Variants in ARHGEF16 observed in about 807,000 individuals in gnomAD.
ARHGEF16 encodes Rho guanine nucleotide exchange factor 16.
In ARHGEF16, 59 loss-of-function variants were observed where a neutral mutation model predicts 74.1. The ratio of observed to expected loss-of-function variants is 0.80; its 90% CI spans 0.65 to 0.99. ARHGEF16 has a LOEUF of 0.99. ARHGEF16 is among the 50% of genes least tolerant of loss of function. ARHGEF16 has a pLI of 0.00. For missense variants in ARHGEF16, 948 were observed against 986.6 expected (o/e 0.96, Z 0.52); for synonymous variants, 415 against 412.6 (o/e 1.01, Z -0.07).
rs769895600 is a variant in ARHGEF16, at chr1:3,467,359, G to A, written c.804+22G>A. 5.8e-6 allele frequency: 9 copies of A among 1,540,256 alleles called. 1 individual carries two copies. In the South Asian group the frequency reaches 1.1e-4, roughly 18 times the overall value. Reference sequence around the variant, plus strand: ...AGAGGTAGCGCCGGAGGGTGGGTGAGGCTGCCCCACAGAGGCAGGGAGAAG... The same window carrying A: ...AGAGGTAGCGCCGGAGGGTGGGTGAAGCTGCCCCACAGAGGCAGGGAGAAG... On this transcript the variant is annotated intron_variant, in intron 4 of 14. Transcript: ENST00000378378.
At chr1:3,462,931 C>T (rs1394470207) in intron 1 of ARHGEF16, 135 bp from the exon 2 acceptor site, 5 of 556,712 alleles carry the variant, frequency 9.0e-6, no homozygotes, top group Non-Finnish European at 1.5e-5. Context: ...CTGGCTGCGT[C>T]GCTGTCCTTG....
intron 10 of ARHGEF16, 54 bp from the exon 11 acceptor site, chr1:3,477,821 C>G: frequency 1.3e-6 from 2 of 1,583,562 alleles, no homozygotes; most frequent in Non-Finnish European, 1.7e-6. Flanking sequence ...CACCCCGGCT[C>G]TGTCCCCCCC....
In ARHGEF16 at chr1:3,463,493, G is replaced by T. The variant is rs3806164; in HGVS notation, c.409G>T (p.Val137Leu). Residue 137 changes from valine (V) to leucine (L), a missense_variant, in exon 2 of 15, where the codon GTG becomes TTG. Transcript: ENST00000378378. ...APSFSLDDMD[V>L]DKDPGGMLRR... ...CAGCTTCTCCCTGGATGACATGGAC[G>T]TGGACAAGGACCCCGGGGGCATGCT... is the stretch of plus-strand genomic sequence containing the variant. 2 of 1,513,022 alleles carry T rather than the reference G, an allele frequency of 1.3e-6. No individual in the cohort carries two copies. The highest frequency in any genetic ancestry group is 1.8e-6 in the Non-Finnish European group (2 of 1,128,462). The allele number at this position is 1,513,022 out of a possible 1,614,324, so 93.7% of individuals were successfully genotyped here.
At position 3,474,785 on chromosome 1, in the gene ARHGEF16, A is replaced by T; in HGVS notation, c.1380+3A>T. 6.2e-7 allele frequency: 1 copy of T among 1,612,720 alleles called. No homozygotes were observed. The highest frequency in any genetic ancestry group is 8.5e-7 in the Non-Finnish European group (1 of 1,179,842). On this transcript the variant is annotated splice_donor_region_variant and intron_variant, in intron 9 of 14. Coordinates refer to ENST00000378378, the MANE Select transcript of ARHGEF16 (RefSeq NM_014448.4). ...GTGCACTGAAGGCCATCAGCAAGGT[A>T]AGATGGGGCCTGGCCCCAGCCCTAC...
chr1:3,465,485 C>T (rs575339941), intron 2 of ARHGEF16, among the ~76,000 whole-genome samples: 2 of 152,200 alleles, frequency 1.3e-5, no homozygotes, highest in South Asian at 2.1e-4. Flanking sequence ...GTGCGGGGCA[C>T]GGGGCTGAGG....
intron 3 of ARHGEF16, among the ~76,000 whole-genome samples, chr1:3,466,405 A>G (rs1639546452): frequency 6.6e-6 from 1 of 152,078 alleles, no homozygotes; most frequent in Non-Finnish European, 1.5e-5. Flanking sequence ...CTTGGACTCT[A>G]TTCTGTGTGT....
chr1:3,478,007 G>C lies in ARHGEF16; in HGVS notation c.1606G>C (p.Val536Leu). The stretch of plus-strand genomic sequence containing the variant: ...CCTTTTCCTGTTCAACGATGTCCTG[G>C]TTGTGACCAAGAAGAAGAGGTGGCC... The part of the protein sequence containing the change: ...CYLFLFNDVL[V>L]VTKKKSEESY... The change falls in exon 11 of 15, where the codon GTT becomes CTT. Residue 536 changes from valine (V) to leucine (L), a missense_variant. By Grantham distance (32) the Val-to-Leu change is conservative. Coordinates refer to ENST00000378378, the MANE Select transcript of ARHGEF16 (RefSeq NM_014448.4). 6.2e-7 allele frequency: 1 copy of C among 1,612,718 alleles called. No homozygotes were observed. The highest frequency in any genetic ancestry group is 1.1e-5 in the South Asian group (1 of 91,082).
intron 10 of ARHGEF16, among the ~76,000 whole-genome samples, chr1:3,477,406 A>G (rs1335504614): frequency 3.0e-5 from 1 of 33,686 alleles, no homozygotes; most frequent in Non-Finnish European, 5.9e-5. Flanking sequence ...ACCAGGCAGC[A>G]GGGAGGATGT....
At chr1:3,460,611 G>A (rs1639370947) in intron 1 of ARHGEF16, among the ~76,000 whole-genome samples, 2 of 152,196 alleles carry the variant, frequency 1.3e-5, no homozygotes, top group Admixed American at 1.3e-4. Flanking sequence ...TGCTCTGCTT[G>A]GCGTGTAGAC....
intron 4 of ARHGEF16, chr1:3,468,646 G>T: frequency 5.4e-6 from 3 of 560,346 alleles, no homozygotes; most frequent in African/African-American, 1.9e-5. Flanking sequence ...GGCTGCTTTG[G>T]GGCTCTGGCG....
intron 3 of ARHGEF16, 68 bp downstream of exon 3, chr1:3,466,261 G>C: frequency 4.0e-6 from 6 of 1,485,632 alleles, no homozygotes; most frequent in Non-Finnish European, 4.5e-6. Flanking sequence ...GGGGCACCCT[G>C]GGGTTCGGGT....
At position 3,464,663 on chromosome 1, in the gene ARHGEF16, A is replaced by G. The variant is rs189381519; in HGVS notation, c.588+991A>G. On this transcript the variant is annotated intron_variant, in intron 2 of 14. Transcript: ENST00000378378. ...CCCAAGCATATGGGCTGCCTCAGTGAAGGACGAGGGCGGGGGCAGGTGCTG... is the reference window on the plus strand; with the variant it reads ...CCCAAGCATATGGGCTGCCTCAGTGGAGGACGAGGGCGGGGGCAGGTGCTG... Among the ~76,000 whole-genome samples the G allele has an allele frequency of 3.3e-4, 50 of 152,282 alleles. 1 individual carries two copies. In the East Asian group the frequency reaches 9.5e-3, roughly 29 times the overall value.
chr1:3,469,053 C>A, intron 5 of ARHGEF16, 117 bp downstream of exon 5: 1 of 1,275,916 alleles, frequency 7.8e-7, no homozygotes, highest in Non-Finnish European at 1.1e-6. Flanking sequence ...ACCTCCAGTG[C>A]CAGGCCCTGT....
At chr1:3,469,332 C>T in intron 5 of ARHGEF16, 101 bp from the exon 6 acceptor site, 1 of 1,400,508 alleles carries the variant, frequency 7.1e-7, no homozygotes. Context: ...TCCCCACCTG[C>T]CCCTGCCACC....
intron 1 of ARHGEF16, among the ~76,000 whole-genome samples, chr1:3,460,700 A>T (rs1249450932): frequency 1.3e-5 from 2 of 152,088 alleles, no homozygotes; most frequent in African/African-American, 4.8e-5. Flanking sequence ...TGATCCTGGG[A>T]TGGTGCAGAC....
At chr1:3,457,763 G>A (rs1639299180) in intron 1 of ARHGEF16, among the ~76,000 whole-genome samples, 1 of 152,228 alleles carries the variant, frequency 6.6e-6, no homozygotes, top group Admixed American at 6.5e-5. Flanking sequence ...ACTGCCCAGA[G>A]ACCATGGATT....
chr1:3,477,653 T>C (rs1639924221), intron 10 of ARHGEF16, among the ~76,000 whole-genome samples: 1 of 23,914 alleles, frequency 4.2e-5, no homozygotes, highest in African/African-American at 8.9e-5. Flanking sequence ...TCGGGCAGGG[T>C]CTGGTCCGGC....
chr1:3,466,193 G>A lies in ARHGEF16; in HGVS notation c.634G>A (p.Asp212Asn), dbSNP rs752041842. ...KRGHKGSFKD[D>N]PQLYQEIQER... The stretch of plus-strand genomic sequence containing the variant: ...TGGGCACAAGGGTTCCTTCAAGGAC[G>A]GTGAGTGTGGCTTCGGGAGGCACCG... Residue 212 changes from aspartate (D) to asparagine (N), a missense_variant and splice_region_variant, in exon 3 of 15, where the codon GAC (aspartate) becomes AAC (asparagine). Physicochemically the swap from Asp to Asn is conservative, Grantham distance 23. Transcript: ENST00000378378. 12 of 1,542,562 alleles carry A rather than the reference G, an allele frequency of 7.8e-6. No individual in the cohort carries two copies. Among genetic ancestry groups the A allele is most frequent in the East Asian group, 5.0e-5 (2 of 40,084 alleles).
At chr1:3,465,666 A>G (rs770445302) in intron 2 of ARHGEF16, among the ~76,000 whole-genome samples, 1 of 152,122 alleles carries the variant, frequency 6.6e-6, no homozygotes, top group South Asian at 2.1e-4. Context: ...CGAGTCGGGC[A>G]CCTGAGCGTG....
Sources: gnomAD v4.1 joint callset for allele counts (sites outside exome capture counted in the v4.1 genomes callset) on GRCh38, gnomAD v4.1.1 for gene constraint, MANE v1.5 for transcripts, NCBI Gene and HGNC (gene_info 2026-07-23, HGNC 2026-07-21) for gene names.